Variants in GNG4 observed in about 807,000 individuals in gnomAD.
The protein encoded by GNG4 is guanine nucleotide-binding protein G(I)/G(S)/G(O) subunit gamma-4.
A neutral mutation model predicts 5.8 loss-of-function variants in GNG4; 4 were observed. That is an observed-to-expected ratio of 0.69 (90% CI 0.34 to 1.57). The LOEUF (loss-of-function observed/expected upper bound fraction) is 1.57. Among genes scored for constraint, GNG4 ranks in the 40% most tolerant of loss-of-function variants. GNG4 has a pLI of 0.06. For synonymous variants in GNG4, 29 were observed against 32.9 expected (o/e 0.88, Z 0.41); for missense variants, 96 against 95.1 (o/e 1.01, Z -0.04).
chr1:235,563,215 G>A (rs1190394427), intron 3 of GNG4, among the ~76,000 whole-genome samples: 1 of 151,858 alleles, frequency 6.6e-6, no homozygotes, highest in African/African-American at 2.4e-5. Flanking sequence ...TTAAGGTCAG[G>A]AGTTTGAGAC....
intron 1 of GNG4, among the ~76,000 whole-genome samples, chr1:235,606,647 C>G (rs1440893189): frequency 1.3e-5 from 2 of 152,036 alleles, no homozygotes; most frequent in African/African-American, 4.8e-5. Flanking sequence ...ACTTAGGAGG[C>G]CTTTGGGAAA....
chr1:235,598,012 ACT>A (rs916881647), intron 1 of GNG4, among the ~76,000 whole-genome samples: 41 of 151,918 alleles, frequency 2.7e-4, no homozygotes, highest in African/African-American at 9.4e-4. Context: ...GGCTTCCCTG[ACT>A]CTGGCTACCC....
At chr1:235,599,507 G>A (rs1259391453) in intron 1 of GNG4, among the ~76,000 whole-genome samples, 1 of 151,944 alleles carries the variant, frequency 6.6e-6, no homozygotes, top group Non-Finnish European at 1.5e-5. Context: ...AGTAGAGACG[G>A]GGTTTCACCA....
intron 3 of GNG4, among the ~76,000 whole-genome samples, chr1:235,557,358 CAGA>C (rs1338588056): frequency 2.0e-5 from 3 of 152,114 alleles, no homozygotes; most frequent in Admixed American, 6.6e-5. Flanking sequence ...CTCACAGGAC[CAGA>C]AGAAGGAGAG....
At chr1:235,649,993 C>G (rs925164036), upstream of GNG4, 9 of 150,594 alleles carry the variant, frequency 6.0e-5, no homozygotes, top group Non-Finnish European at 4.4e-5. This position sits in a 1 kb window ranked among gnomAD's most constrained non-coding sequence, Gnocchi z 5.7. Flanking sequence ...CCCTCGCCCC[C>G]GTTCCACGCT....
intron 2 of GNG4, among the ~76,000 whole-genome samples, chr1:235,587,721 G>A (rs1309406956): frequency 2.6e-5 from 2 of 77,898 alleles, no homozygotes; most frequent in African/African-American, 8.8e-5. Context: ...GGTGTGTGTG[G>A]GTGTGGGTCA....
At chr1:235,574,810 T>TCACGA (rs1188720172) in intron 3 of GNG4, among the ~76,000 whole-genome samples, 1 of 152,104 alleles carries the variant, frequency 6.6e-6, no homozygotes, top group African/African-American at 2.4e-5. Context: ...CCAGTATCTG[T>TCACGA]CACGACACAA....
Position 235,553,653 on chromosome 1 carries a change from T to C in GNG4, c.100-1416A>G, listed in dbSNP as rs190824546. Among the ~76,000 whole-genome samples the C allele has an allele frequency of 1.5e-3, 229 of 152,348 alleles. 3 individuals are homozygous for C. Among genetic ancestry groups the C allele is most frequent in the African/African-American group, 5.4e-3 (223 of 41,580 alleles). ...CAGCAGAGATATACAATGAATCAACTAAACACATCACTCAAATAAATCAAC... is the reference window on the plus strand; with the variant it reads ...CAGCAGAGATATACAATGAATCAACCAAACACATCACTCAAATAAATCAAC... On this transcript the variant is annotated intron_variant, in intron 3 of 3. Coordinates refer to ENST00000391854, the MANE Select transcript of GNG4 (RefSeq NM_001098722.2).
intron 2 of GNG4, among the ~76,000 whole-genome samples, chr1:235,591,865 G>A (rs1336873457): frequency 1.3e-5 from 2 of 152,230 alleles, no homozygotes; most frequent in Non-Finnish European, 2.9e-5. Context: ...GGGGTTTCTT[G>A]AGATGCAGCA....
intron 3 of GNG4, among the ~76,000 whole-genome samples, chr1:235,576,095 T>A (rs1687476977): frequency 6.9e-6 from 1 of 145,962 alleles, no homozygotes; most frequent in Non-Finnish European, 1.5e-5. Flanking sequence ...AGAGTCTCAC[T>A]CTGTTGCCAG....
chr1:235,573,619 T>C lies in GNG4; in HGVS notation c.99+10121A>G, dbSNP rs1024653029. On this transcript the variant is annotated intron_variant, in intron 3 of 3. Coordinates refer to ENST00000391854, the MANE Select transcript of GNG4 (RefSeq NM_001098722.2). The stretch of plus-strand genomic sequence containing the variant: ...AGTGAAACCCCGTCTCTACTAAAAA[T>C]ACAAAAAATTAGCCGGGTGTGGTGG... Among the ~76,000 whole-genome samples the C allele has an allele frequency of 4.0e-5, 6 of 151,768 alleles. No homozygotes were observed. In the South Asian group the frequency reaches 8.3e-4, roughly 21 times the overall value.
At chr1:235,570,860 ATATGTGTG>A (rs1299692235) in intron 3 of GNG4, among the ~76,000 whole-genome samples, 1 of 91,990 alleles carries the variant, frequency 1.1e-5, no homozygotes, top group African/African-American at 4.5e-5. Flanking sequence ...TTATATATAT[ATATGTGTG>A]TGTGTGTGTG....
At chr1:235,608,342 T>C (rs762950268) in intron 1 of GNG4, among the ~76,000 whole-genome samples, 3 of 152,314 alleles carry the variant, frequency 2.0e-5, no homozygotes, top group Non-Finnish European at 2.9e-5. Flanking sequence ...ATGCTTGAAT[T>C]AAAAAAGTAT....
chr1:235,553,887 G>T (rs752807020), intron 3 of GNG4, among the ~76,000 whole-genome samples: 3 of 152,122 alleles, frequency 2.0e-5, no homozygotes, highest in Non-Finnish European at 4.4e-5. Flanking sequence ...GAGCTCTAAG[G>T]TCCCAATTTA....
intron 1 of GNG4, among the ~76,000 whole-genome samples, chr1:235,628,901 T>C (rs1048401332): frequency 6.6e-6 from 1 of 152,124 alleles, no homozygotes; most frequent in African/African-American, 2.4e-5. Flanking sequence ...CCTTTGGTTC[T>C]GAGCAGGACC....
Position 235,621,966 on chromosome 1 carries a change from C to T in GNG4, c.-122-26455G>A, listed in dbSNP as rs941323609. On this transcript the variant is annotated intron_variant, in intron 1 of 3. Coordinates refer to ENST00000391854, the MANE Select transcript of GNG4 (RefSeq NM_001098722.2). ...TGCTGGGATTACAGGCATGAGCCAC[C>T]GCACCTGGCCTCCAGCACATTGTTT... Among the ~76,000 whole-genome samples, 21 of 152,074 alleles carry T rather than the reference C, an allele frequency of 1.4e-4. 1 individual carries two copies. The highest frequency in any genetic ancestry group is 3.4e-3 in the Middle Eastern group (1 of 294).
intron 3 of GNG4, among the ~76,000 whole-genome samples, chr1:235,559,225 T>C (rs1346392258): frequency 6.6e-6 from 1 of 152,220 alleles, no homozygotes. Context: ...TTACAGTTAA[T>C]GGTACAGCCA....
chr1:235,590,512 A>G (rs561501337), intron 2 of GNG4, among the ~76,000 whole-genome samples: 15 of 152,230 alleles, frequency 9.9e-5, no homozygotes, highest in African/African-American at 3.6e-4. Context: ...CTCAGTAACT[A>G]AAGGAAGAGA....
chr1:235,600,269 C>A (rs1212275918), intron 1 of GNG4, among the ~76,000 whole-genome samples: 1 of 151,880 alleles, frequency 6.6e-6, no homozygotes, highest in Non-Finnish European at 1.5e-5. Context: ...CATGTGCCAC[C>A]ATGCCCAGCT....
Sources: gnomAD v4.1 joint callset for allele counts (sites outside exome capture counted in the v4.1 genomes callset) on GRCh38, gnomAD v4.1.1 for gene constraint, Gnocchi (gnomAD v3.1) non-coding constraint, MANE v1.5 for transcripts, NCBI Gene and HGNC (gene_info 2026-07-23, HGNC 2026-07-21) for gene names.